Variants in UTRN observed in about 807,000 individuals in gnomAD.
UTRN encodes the protein utrophin, also known as dystrophin-related protein 1.
In UTRN, 283 loss-of-function variants were observed where a neutral mutation model predicts 463.9. The observed-to-expected ratio is 0.61, with a 90% confidence interval of 0.55 to 0.67. The LOEUF (loss-of-function observed/expected upper bound fraction) is 0.67, where lower values mean the gene tolerates loss of function less well. Ranked by LOEUF, UTRN falls within the 30% of genes least tolerant of loss-of-function variation. The pLI, the probability that UTRN is intolerant of heterozygous loss-of-function variation, is 0.00. For synonymous variants in UTRN, 1,442 were observed against 1,431.5 expected (o/e 1.01, Z -0.17); for missense variants, 3,922 against 4,084.3 (o/e 0.96, Z 1.08).
At chr6:144,571,186 T>A (rs939798169) in intron 50 of UTRN, among the ~76,000 whole-genome samples, 4 of 152,132 alleles carry the variant, frequency 2.6e-5, no homozygotes, top group Non-Finnish European at 4.4e-5. Context: ...TTCTAGTGCC[T>A]TTTTAGCACA....
intron 51 of UTRN, among the ~76,000 whole-genome samples, chr6:144,647,742 A>G (rs1231230210): frequency 2.6e-5 from 4 of 152,202 alleles, no homozygotes; most frequent in Admixed American, 2.6e-4. Context: ...TGGCCTTCCA[A>G]CTCCATTTGC....
At chr6:144,612,241 T>C (rs1335492026) in intron 51 of UTRN, among the ~76,000 whole-genome samples, 9 of 152,096 alleles carry the variant, frequency 5.9e-5, no homozygotes, top group Non-Finnish European at 1.2e-4. Flanking sequence ...GATTAAAGAC[T>C]TAAATATAAG....
chr6:144,579,968 G>C (rs1425422793), intron 51 of UTRN, among the ~76,000 whole-genome samples: 1 of 152,032 alleles, frequency 6.6e-6, no homozygotes, highest in African/African-American at 2.4e-5. Flanking sequence ...TTTTAAAAAA[G>C]TTCCATGGTT....
intron 51 of UTRN, among the ~76,000 whole-genome samples, chr6:144,598,764 G>T (rs1444177352): frequency 2.0e-5 from 3 of 152,158 alleles, no homozygotes; most frequent in Admixed American, 2.0e-4. Context: ...AGTCAGCTGT[G>T]CCTGAATTCC....
At chr6:144,677,570 A>T (rs1018987057) in intron 51 of UTRN, among the ~76,000 whole-genome samples, 1 of 152,208 alleles carries the variant, frequency 6.6e-6, no homozygotes. Context: ...GTGCTGCAGT[A>T]AACATACATG....
At chr6:144,433,255 G>C (rs1786083731) in intron 9 of UTRN, among the ~76,000 whole-genome samples, 1 of 151,800 alleles carries the variant, frequency 6.6e-6, no homozygotes, top group African/African-American at 2.4e-5. Context: ...CTTCCCAGTA[G>C]GGGCGGCCAG....
chr6:144,434,032 C>A (rs1356331060), intron 9 of UTRN, among the ~76,000 whole-genome samples: 2 of 152,224 alleles, frequency 1.3e-5, no homozygotes, highest in Non-Finnish European at 2.9e-5. Context: ...GATCACGCCA[C>A]TGCACTCCAG....
intron 52 of UTRN, among the ~76,000 whole-genome samples, chr6:144,692,412 A>G (rs1004909416): frequency 6.6e-6 from 1 of 152,210 alleles, no homozygotes; most frequent in African/African-American, 2.4e-5. Flanking sequence ...TATACCCAGT[A>G]ATGGGATTGC....
chr6:144,742,188 C>A (rs567128590), intron 54 of UTRN, among the ~76,000 whole-genome samples: 13 of 152,126 alleles, frequency 8.5e-5, no homozygotes, highest in Non-Finnish European at 1.6e-4. Flanking sequence ...TACATATTAA[C>A]AGGTGAATCT....
At position 144,851,777 on chromosome 6, in the gene UTRN, GAATT is replaced by G. The variant is rs929452477; in HGVS notation, c.*786_*789del. ...TTTTATTCCCTTTTTATATAAGTAG[GAATT>G]AATTATTTATTTTATGTCTTAATCT... is the stretch of plus-strand genomic sequence containing the variant. On this transcript the variant is annotated 3_prime_UTR_variant, in exon 75 of 75. Transcript: ENST00000367545. The G allele has an allele frequency of 6.6e-5, 10 of 152,158 alleles. No individual in the cohort carries two copies. Among genetic ancestry groups the G allele is most frequent in the South Asian group, 4.2e-4 (2 of 4,816 alleles). 9.4% of individuals were successfully genotyped at this position (152,158 alleles called of 1,614,324 possible). A position where few individuals can be genotyped will look rare whatever the true frequency, so the allele number is the denominator to read the frequency against.
chr6:144,828,725 T>C, intron 68 of UTRN, 65 bp from the exon 69 acceptor site: 1 of 1,438,230 alleles, frequency 7.0e-7, no homozygotes, highest in South Asian at 1.2e-5. Context: ...TGATTAAGGA[T>C]GTACGTCCAA....
chr6:144,704,324 A>G (rs1439140090), intron 53 of UTRN, among the ~76,000 whole-genome samples: 2 of 152,242 alleles, frequency 1.3e-5, no homozygotes, highest in African/African-American at 4.8e-5. Flanking sequence ...ACAATAAAGA[A>G]ATGAATATTA....
intron 50 of UTRN, among the ~76,000 whole-genome samples, chr6:144,572,468 T>C (rs1369862184): frequency 6.6e-6 from 1 of 152,126 alleles, no homozygotes; most frequent in Non-Finnish European, 1.5e-5. Flanking sequence ...GCGTGGTGGT[T>C]TGCTGCACCT....
At chr6:144,417,431 A>T (rs1467939671) in intron 3 of UTRN, among the ~76,000 whole-genome samples, 1 of 152,228 alleles carries the variant, frequency 6.6e-6, no homozygotes, top group Non-Finnish European at 1.5e-5. Flanking sequence ...AGAATGAAGA[A>T]GATGATGCTG....
At chr6:144,793,095 A>T (rs572717741) in intron 62 of UTRN, among the ~76,000 whole-genome samples, 1 of 152,236 alleles carries the variant, frequency 6.6e-6, no homozygotes. Flanking sequence ...GAAAAAACAC[A>T]CCTTCTTGTA....
At chr6:144,498,683 C>T (rs978757057) in intron 33 of UTRN, among the ~76,000 whole-genome samples, 9 of 150,704 alleles carry the variant, frequency 6.0e-5, no homozygotes, top group African/African-American at 2.2e-4. Context: ...GAGACGGGGT[C>T]TTGCTCTGTT....
At position 144,689,424 on chromosome 6, in the gene UTRN, A is replaced by C. The variant is rs142116472; in HGVS notation, c.7653-10663A>C. Among the ~76,000 whole-genome samples, 26 of 152,314 alleles carry C rather than the reference A, an allele frequency of 1.7e-4. No individual in the cohort carries two copies. In the East Asian group the frequency reaches 4.6e-3, roughly 27 times the overall value. ...TGAAAGAAACTTCCCACAGGTGGAAATGTCTGGGAGTCAAGGCCTGCTGTC... is the reference window on the plus strand; with the variant it reads ...TGAAAGAAACTTCCCACAGGTGGAACTGTCTGGGAGTCAAGGCCTGCTGTC... On this transcript the variant is annotated intron_variant, in intron 52 of 74. Coordinates refer to ENST00000367545, the MANE Select transcript of UTRN (RefSeq NM_007124.3).
chr6:144,620,317 T>C (rs2128647041), intron 51 of UTRN, among the ~76,000 whole-genome samples: 1 of 152,306 alleles, frequency 6.6e-6, no homozygotes, highest in South Asian at 2.1e-4. Flanking sequence ...TTAACTCTGA[T>C]GCCTGGGTAA....
chr6:144,843,537 G>A (rs150952058), intron 73 of UTRN, among the ~76,000 whole-genome samples: 254 of 152,246 alleles, frequency 1.7e-3, no homozygotes, highest in African/African-American at 5.8e-3. Context: ...CACTTTAAAG[G>A]CAAGTATAAA....
Sources: allele counts gnomAD v4.1 joint callset (sites outside exome capture counted in the v4.1 genomes callset), GRCh38; gene constraint gnomAD v4.1.1; transcripts MANE v1.5; gene names NCBI Gene and HGNC (gene_info 2026-07-23, HGNC 2026-07-21).